PCDHGA9: variants seen among roughly 807,000 people sequenced by gnomAD.
PCDHGA9 encodes the protein protocadherin gamma subfamily A, 9.
PCDHGA9 carries 37 observed loss-of-function variants against 62.5 expected under a neutral mutation model. That is an observed-to-expected ratio of 0.59 (90% CI 0.46 to 0.78). PCDHGA9 has a LOEUF of 0.78. Ranked by LOEUF, PCDHGA9 falls within the 30% of genes least tolerant of loss-of-function variation. PCDHGA9 has a pLI of 0.00. For synonymous variants in PCDHGA9, 459 were observed against 484.6 expected (o/e 0.95, Z 0.69); for missense variants, 1,138 against 1,166.2 (o/e 0.98, Z 0.35).
At chr5:141,423,701 G>A in intron 1 of PCDHGA9, 1 of 1,312,668 alleles carries the variant, frequency 7.6e-7, no homozygotes, top group Non-Finnish European at 9.9e-7. Flanking sequence ...TGGTGTCTTG[G>A]CACAAGTCTT....
chr5:141,485,134 C>T lies in PCDHGA9; in HGVS notation c.2425-9673C>T. The T allele has an allele frequency of 6.7e-7, 1 of 1,495,958 alleles. No homozygotes were observed. The highest frequency in any genetic ancestry group is 1.4e-5 in the African/African-American group (1 of 72,714). 92.7% of individuals were successfully genotyped at this position (1,495,958 alleles called of 1,614,324 possible). On this transcript the variant is annotated intron_variant, in intron 1 of 3. Transcript: ENST00000573521. The surrounding 1 kb of genome is among the most constrained non-coding windows in gnomAD (Gnocchi z 5.7). Reference sequence around the variant, plus strand: ...CTGTTTGGGGCGGGTCGGCTTCATCCGCGTCTCAGGAGCAAGTAGAGAATT... The same window carrying T: ...CTGTTTGGGGCGGGTCGGCTTCATCTGCGTCTCAGGAGCAAGTAGAGAATT...
intron 1 of PCDHGA9, among the ~76,000 whole-genome samples, chr5:141,405,967 G>A (rs76683972): frequency 6.6e-6 from 1 of 152,068 alleles, no homozygotes; most frequent in Non-Finnish European, 1.5e-5. Flanking sequence ...TGCTGTCAAC[G>A]TAAACCATAC....
At chr5:141,407,360 A>G (rs1024336863) in intron 1 of PCDHGA9, among the ~76,000 whole-genome samples, 1 of 152,232 alleles carries the variant, frequency 6.6e-6, no homozygotes, top group Non-Finnish European at 1.5e-5. Flanking sequence ...GGAAAACATA[A>G]CAGATATCCA....
chr5:141,475,116 C>G (rs1383017919), intron 1 of PCDHGA9, among the ~76,000 whole-genome samples: 2 of 152,128 alleles, frequency 1.3e-5, no homozygotes, highest in African/African-American at 4.8e-5. Context: ...GTAAATAGGC[C>G]TGGCTTTTTT....
At chr5:141,426,714 C>T (rs779529448) in intron 1 of PCDHGA9, 2 of 444,724 alleles carry the variant, frequency 4.5e-6, no homozygotes, top group South Asian at 3.1e-5. Flanking sequence ...AATCAATGAA[C>T]TAGCAATTCC....
At position 141,405,211 on chromosome 5, in the gene PCDHGA9, T is replaced by G. The variant is rs756004707; in HGVS notation, c.2259T>G (p.Tyr753Ter). The change falls in exon 1 of 4, where the codon TAT becomes TAG. Residue 753 changes from tyrosine to a stop codon, truncating the protein, a stop_gained. Coordinates refer to ENST00000573521, the MANE Select transcript of PCDHGA9 (RefSeq NM_018921.3). LOFTEE classifies it high-confidence loss of function. ...VDGVRAFLQTYSQEFSLTADS... is the reference protein window; with the variant it reads ...VDGVRAFLQT ...GGGTTCGAGCTTTCCTACAGACCTA[T>G]TCTCAGGAGTTCTCCCTCACCGCTG... The G allele has an allele frequency of 7.4e-6, 12 of 1,613,432 alleles. No homozygotes were observed. In the South Asian group the frequency reaches 1.2e-4, roughly 16 times the overall value.
chr5:141,439,150 G>A (rs971023726), intron 1 of PCDHGA9, among the ~76,000 whole-genome samples: 7 of 149,122 alleles, frequency 4.7e-5, no homozygotes, highest in South Asian at 2.1e-4. Flanking sequence ...CTGAGATCAC[G>A]CCACTGCACT....
At chr5:141,441,494 ACCAGG>A (rs1325946941) in intron 1 of PCDHGA9, 1 of 170,360 alleles carries the variant, frequency 5.9e-6, no homozygotes, top group Non-Finnish European at 1.3e-5. Flanking sequence ...CTGGTTTTCT[ACCAGG>A]CCTCCTACGT....
chr5:141,428,310 G>A (rs2097132610), intron 1 of PCDHGA9: 1 of 671,630 alleles, frequency 1.5e-6, no homozygotes, highest in Admixed American at 2.2e-5. Context: ...ACCTGGTCGT[G>A]GCCTTGGCCT....
Position 141,404,479 on chromosome 5 carries a change from A to C in PCDHGA9, c.1527A>C (p.Ser509=). ...SPLSTYVSIN[S]DTGVLYALCS... ...TCTCCACCTATGTCTCTATTAACTC[A>C]GACACTGGTGTGCTGTATGCTCTGT... is the stretch of plus-strand genomic sequence containing the variant. Residue 509 remains serine (S), a synonymous_variant, in exon 1 of 4, where the codon TCA becomes TCC. Transcript: ENST00000573521. 1 of 1,613,750 alleles carries C rather than the reference A, an allele frequency of 6.2e-7. No individual in the cohort carries two copies. Among genetic ancestry groups the C allele is most frequent in the South Asian group, 1.1e-5 (1 of 91,084 alleles).
chr5:141,408,782 T>G (rs1561715407), intron 1 of PCDHGA9: 1 of 1,612,108 alleles, frequency 6.2e-7, no homozygotes, highest in East Asian at 2.2e-5. Flanking sequence ...ATACCCAGAG[T>G]TATCTCTGGA....
rs749995138 is a variant in PCDHGA9 at position 141,408,745 on chromosome 5, G to A, written c.2424+3369G>A. The A allele has an allele frequency of 3.7e-6, 6 of 1,609,862 alleles. No homozygotes were observed. In the African/African-American group the frequency reaches 4.0e-5, roughly 11 times the overall value. ...ACTCTAATCCTTATTTTTCATTAAT[G>A]GTTAGAGTTAATTCCGATGGTGGCA... On this transcript the variant is annotated intron_variant, in intron 1 of 3. Transcript: ENST00000573521.
chr5:141,469,855 G>T (rs1272105046), intron 1 of PCDHGA9, among the ~76,000 whole-genome samples: 4 of 152,186 alleles, frequency 2.6e-5, no homozygotes, highest in Non-Finnish European at 4.4e-5. Flanking sequence ...TTCAGACCGG[G>T]TGCAATGGCT....
In PCDHGA9 at chr5:141,413,182, G is replaced by C. The variant is rs752788034; in HGVS notation, c.2424+7806G>C. On this transcript the variant is annotated intron_variant, in intron 1 of 3. Transcript: ENST00000573521. ...ATTCTGTAACCAGACTACAATGGCCGCTCAAAGGAATCGCTCAAAGGAATC... is the reference window on the plus strand; with the variant it reads ...ATTCTGTAACCAGACTACAATGGCCCCTCAAAGGAATCGCTCAAAGGAATC... 3.1e-6 allele frequency: 5 copies of C among 1,604,164 alleles called. No homozygotes were observed. In the South Asian group the frequency reaches 5.5e-5, roughly 18 times the overall value.
intron 1 of PCDHGA9, among the ~76,000 whole-genome samples, chr5:141,453,974 T>C (rs1386640440): frequency 6.6e-6 from 1 of 152,242 alleles, no homozygotes; most frequent in Non-Finnish European, 1.5e-5. Flanking sequence ...CATGTAGTTG[T>C]GTTGCCTTCC....
At chr5:141,500,959 C>T (rs2099804326) in intron 2 of PCDHGA9, among the ~76,000 whole-genome samples, 1 of 152,022 alleles carries the variant, frequency 6.6e-6, no homozygotes, top group South Asian at 2.1e-4. Flanking sequence ...AGCTCCACCT[C>T]CTGGGTTCAA....
At chr5:141,433,208 CTT>C (rs745329085) in intron 1 of PCDHGA9, 289 of 1,287,502 alleles carry the variant, frequency 2.2e-4, no homozygotes, top group South Asian at 2.8e-4. Context: ...AATCTTCTTT[CTT>C]TTTTTTTTTT....
At chr5:141,453,544 C>T (rs540372287) in intron 1 of PCDHGA9, among the ~76,000 whole-genome samples, 12 of 152,310 alleles carry the variant, frequency 7.9e-5, no homozygotes, top group African/African-American at 2.9e-4. Flanking sequence ...ATTCACACCA[C>T]ACTCTGTAGA....
intron 1 of PCDHGA9, among the ~76,000 whole-genome samples, chr5:141,461,968 C>A (rs2099027589): frequency 6.6e-6 from 1 of 152,204 alleles, no homozygotes; most frequent in African/African-American, 2.4e-5. Context: ...GGATTCCAGG[C>A]ATATGCCACC....
Sources: allele counts gnomAD v4.1 joint callset (sites outside exome capture counted in the v4.1 genomes callset), GRCh38; gene constraint gnomAD v4.1.1; non-coding constraint Gnocchi (gnomAD v3.1); transcripts MANE v1.5; gene names NCBI Gene and HGNC (gene_info 2026-07-23, HGNC 2026-07-21).